DIS3L2: variants seen among roughly 807,000 people sequenced by gnomAD.
The protein encoded by DIS3L2 is DIS3-like exonuclease 2.
A neutral mutation model predicts 97.5 loss-of-function variants in DIS3L2; 34 were observed. The observed-to-expected ratio is 0.35, with a 90% CI of 0.27 to 0.46. The LOEUF (loss-of-function observed/expected upper bound fraction) is 0.46, where lower values mean the gene tolerates loss of function less well. DIS3L2 is among the 20% of genes least tolerant of loss of function. DIS3L2 has a pLI of 1.00. For missense variants in DIS3L2, 1,038 were observed against 1,146.0 expected, an observed-to-expected ratio of 0.91 and a Z score of 1.36; for synonymous variants, 435 against 445.2, an observed-to-expected ratio of 0.98 and a Z score of 0.29.
chr2:232,248,699 A>T (rs1693332707), intron 11 of DIS3L2, among the ~76,000 whole-genome samples: 1 of 152,216 alleles, frequency 6.6e-6, no homozygotes. Context: ...GGAAACCTGG[A>T]TGTATGATCC....
rs533907565 is a variant in DIS3L2, at chr2:232,113,583, C to G, written c.602-17036C>G. On this transcript the variant is annotated intron_variant, in intron 6 of 20. Coordinates refer to ENST00000325385, the MANE Select transcript of DIS3L2 (RefSeq NM_152383.5). ...CCCTTTTTCCATCTTCATTAGCCAA[C>G]ACCTTAAGATTAAGGTATTATAAAA... Among the ~76,000 whole-genome samples, 14 of 152,304 alleles carry G rather than the reference C, an allele frequency of 9.2e-5. No homozygotes were observed. In the South Asian group the frequency reaches 2.9e-3, roughly 32 times the overall value.
chr2:232,225,053 A>G (rs1222659014), intron 10 of DIS3L2, among the ~76,000 whole-genome samples: 3 of 152,196 alleles, frequency 2.0e-5, no homozygotes, highest in African/African-American at 7.2e-5. Flanking sequence ...ATAAGATACT[A>G]TTATGTTCCC....
chr2:232,194,881 A>G (rs1225704609), intron 9 of DIS3L2, among the ~76,000 whole-genome samples: 1 of 152,196 alleles, frequency 6.6e-6, no homozygotes, highest in Non-Finnish European at 1.5e-5. Context: ...TGGTGGGAGT[A>G]GAGAAGTAGC....
At chr2:232,006,895 A>G (rs1180491186) in intron 1 of DIS3L2, among the ~76,000 whole-genome samples, 1 of 152,214 alleles carries the variant, frequency 6.6e-6, no homozygotes, top group Non-Finnish European at 1.5e-5. Context: ...CCATTATTTA[A>G]GTAGTGAGGA....
intron 8 of DIS3L2, among the ~76,000 whole-genome samples, chr2:232,139,492 A>T (rs1698451752): frequency 6.6e-6 from 1 of 152,120 alleles, no homozygotes; most frequent in Non-Finnish European, 1.5e-5. Context: ...TTTCAAGCAG[A>T]GGTGGGGGTC....
At chr2:232,062,849 G>C (rs1376557649) in intron 5 of DIS3L2, among the ~76,000 whole-genome samples, 1 of 151,448 alleles carries the variant, frequency 6.6e-6, no homozygotes, top group Non-Finnish European at 1.5e-5. Context: ...ATCTATCTGT[G>C]TCTCTCTCTC....
At chr2:232,283,203 C>T (rs535099478) in intron 13 of DIS3L2, among the ~76,000 whole-genome samples, 2 of 152,336 alleles carry the variant, frequency 1.3e-5, no homozygotes, top group African/African-American at 4.8e-5. Flanking sequence ...GAAACTGAGA[C>T]TTGAGCTTAA....
At chr2:232,244,271 A>G (rs1316446891) in intron 11 of DIS3L2, among the ~76,000 whole-genome samples, 1 of 152,108 alleles carries the variant, frequency 6.6e-6, no homozygotes, top group Non-Finnish European at 1.5e-5. Flanking sequence ...ATCACAGGCA[A>G]ATCCCCAGCT....
At chr2:232,329,790 C>CGGGGGG in intron 14 of DIS3L2, 23 bp from the exon 15 acceptor site, 4 of 315,338 alleles carry the variant, frequency 1.3e-5, no homozygotes, top group African/African-American at 2.3e-5. Flanking sequence ...AGCGGTCCCT[C>CGGGGGG]CCATCCCACC....
At chr2:232,184,614 C>T (rs1357814578) in intron 9 of DIS3L2, among the ~76,000 whole-genome samples, 1 of 152,060 alleles carries the variant, frequency 6.6e-6, no homozygotes, top group African/African-American at 2.4e-5. Flanking sequence ...CGCGCCACTG[C>T]ACTCCAGCCT....
intron 9 of DIS3L2, among the ~76,000 whole-genome samples, chr2:232,188,931 AG>A (rs1298683533): frequency 1.3e-5 from 2 of 152,256 alleles, no homozygotes; most frequent in South Asian, 4.1e-4. Context: ...TACACTGAAG[AG>A]GATATACAAA....
At position 232,020,453 on chromosome 2, in the gene DIS3L2, TA is replaced by T. The variant is rs1694482174; in HGVS notation, c.211-3823del. ...TGATGTGACATGGTGATGGATGAGATATGGAAGGTGAGGCAGAGGGAGGCAT... is the reference window on the plus strand; with the variant it reads ...TGATGTGACATGGTGATGGATGAGATTGGAAGGTGAGGCAGAGGGAGGCAT... On this transcript the variant is annotated intron_variant, in intron 3 of 20. Coordinates refer to ENST00000325385, the MANE Select transcript of DIS3L2 (RefSeq NM_152383.5). Among the ~76,000 whole-genome samples, 2 of 151,884 alleles carry T rather than the reference TA, an allele frequency of 1.3e-5. 1 individual carries two copies. The highest frequency in any genetic ancestry group is 4.2e-4 in the South Asian group (2 of 4,814).
chr2:232,297,974 G>A (rs887277655), intron 13 of DIS3L2, among the ~76,000 whole-genome samples: 1 of 152,214 alleles, frequency 6.6e-6, no homozygotes, highest in Non-Finnish European at 1.5e-5. Context: ...TAGGATTATA[G>A]GCATGAGCCA....
intron 10 of DIS3L2, among the ~76,000 whole-genome samples, 164 bp from the exon 11 acceptor site, chr2:232,238,369 C>A (rs1692989265): frequency 6.6e-6 from 1 of 152,100 alleles, no homozygotes; most frequent in Non-Finnish European, 1.5e-5. Context: ...TAGTGCGGGT[C>A]ACAGAGGGAG....
intron 5 of DIS3L2, among the ~76,000 whole-genome samples, chr2:232,086,611 GTGTA>G (rs1436940071): frequency 1.2e-4 from 7 of 58,072 alleles, no homozygotes; most frequent in East Asian, 3.0e-4. Context: ...ATGTGTGTGT[GTGTA>G]TATATATATA....
At chr2:232,156,265 C>A (rs1002979508) in intron 8 of DIS3L2, among the ~76,000 whole-genome samples, 1 of 152,110 alleles carries the variant, frequency 6.6e-6, no homozygotes, top group African/African-American at 2.4e-5. Flanking sequence ...TTTTATCGTT[C>A]TTTTCTACTT....
chr2:232,295,535 C>T (rs1365210533), intron 13 of DIS3L2, among the ~76,000 whole-genome samples: 5 of 152,334 alleles, frequency 3.3e-5, no homozygotes, highest in African/African-American at 1.2e-4. Context: ...CTCCACCATC[C>T]ATAGTGCCTT....
chr2:232,022,377 A>G (rs1694543450), intron 3 of DIS3L2, among the ~76,000 whole-genome samples: 1 of 152,192 alleles, frequency 6.6e-6, no homozygotes, highest in Non-Finnish European at 1.5e-5. Context: ...TAAAATCTTC[A>G]AGGTCTTCTT....
intron 6 of DIS3L2, among the ~76,000 whole-genome samples, chr2:232,121,619 G>A (rs1485051098): frequency 1.3e-5 from 2 of 152,124 alleles, no homozygotes; most frequent in East Asian, 3.9e-4. Context: ...TCAATCTATA[G>A]TGGTGGCTCA....
Sources: gnomAD v4.1 joint callset for allele counts (sites outside exome capture counted in the v4.1 genomes callset) on GRCh38, gnomAD v4.1.1 for gene constraint, MANE v1.5 for transcripts, NCBI Gene and HGNC (gene_info 2026-07-23, HGNC 2026-07-21) for gene names.